SLX9: variants seen among roughly 807,000 people sequenced by gnomAD.
The protein encoded by SLX9 is ribosome biogenesis protein SLX9 homolog.
A neutral mutation model predicts 20.8 loss-of-function variants in SLX9; 19 were observed. The ratio of observed to expected loss-of-function variants is 0.91; its 90% CI spans 0.64 to 1.34. The LOEUF is 1.34. Among genes scored for constraint, SLX9 ranks in the 40% most tolerant of loss-of-function variants. The probability of loss-of-function intolerance (pLI) is 0.00; values close to 1 mark genes in which losing one functional copy is unlikely to be tolerated. For missense variants in SLX9, 299 were observed against 322.2 expected (o/e 0.93, Z 0.55); for synonymous variants, 113 against 137.1 (o/e 0.82, Z 1.23).
chr21:44,951,585 G>T (rs2084757797), intron 2 of SLX9, among the ~76,000 whole-genome samples: 1 of 152,168 alleles, frequency 6.6e-6, no homozygotes, highest in South Asian at 2.1e-4. Context: ...AACATTTCAT[G>T]ATTGAGAAAG....
chr21:44,970,008 C>T (rs1345428442), intron 4 of SLX9, among the ~76,000 whole-genome samples: 1 of 152,214 alleles, frequency 6.6e-6, no homozygotes, highest in East Asian at 1.9e-4. Flanking sequence ...AGGAAGCCCC[C>T]AGAGGCGAAG....
intron 1 of SLX9, among the ~76,000 whole-genome samples, chr21:44,941,702 G>A (rs1187516386): frequency 6.6e-6 from 1 of 152,076 alleles, no homozygotes; most frequent in African/African-American, 2.4e-5. Context: ...CTCCTGGTAG[G>A]GTGCGTCCTT....
At chr21:44,969,341 C>A (rs969289546) in intron 4 of SLX9, 2 of 410,172 alleles carry the variant, frequency 4.9e-6, no homozygotes, top group Non-Finnish European at 1.0e-5. Flanking sequence ...GTCAAGTATC[C>A]TTTCCCTGTT....
Position 44,973,180 on chromosome 21 carries a change from C to T in SLX9, c.501-17C>T. 1 of 1,613,034 alleles carries T rather than the reference C, an allele frequency of 6.2e-7. No homozygotes were observed. Among genetic ancestry groups the T allele is most frequent in the Non-Finnish European group, 8.5e-7 (1 of 1,179,704 alleles). On this transcript the variant is annotated splice_polypyrimidine_tract_variant and intron_variant, in intron 4 of 5. Coordinates refer to ENST00000291634, the MANE Select transcript of SLX9 (RefSeq NM_058190.4). Reference sequence around the variant, plus strand: ...GGATGCTGGATGCTGACTCACGTGGCTTCTCTGTGTCCACAGCAGGGAGAG... The same window carrying T: ...GGATGCTGGATGCTGACTCACGTGGTTTCTCTGTGTCCACAGCAGGGAGAG...
At chr21:44,968,627 C>T (rs2085083920) in intron 4 of SLX9, among the ~76,000 whole-genome samples, 1 of 152,212 alleles carries the variant, frequency 6.6e-6, no homozygotes, top group African/African-American at 2.4e-5. Flanking sequence ...GGTGTGGGTG[C>T]TGAGGCTCTG....
chr21:44,946,395 A>G (rs1343334376), intron 2 of SLX9, among the ~76,000 whole-genome samples: 1 of 150,100 alleles, frequency 6.7e-6, no homozygotes, highest in Admixed American at 6.6e-5. Context: ...GCTTGTGTGC[A>G]GGTGTTTCCC....
intron 2 of SLX9, among the ~76,000 whole-genome samples, chr21:44,956,898 G>A (rs189890302): frequency 8.5e-5 from 13 of 152,344 alleles, no homozygotes; most frequent in African/African-American, 2.2e-4. Flanking sequence ...GTCTGTTCCC[G>A]GGGCCCCTTT....
chr21:44,961,730 C>T (rs556135583), intron 3 of SLX9, among the ~76,000 whole-genome samples: 10 of 152,246 alleles, frequency 6.6e-5, no homozygotes, highest in African/African-American at 2.4e-4. Context: ...TTGTCTCTTC[C>T]ATTTAATAAT....
intron 4 of SLX9, among the ~76,000 whole-genome samples, chr21:44,971,747 T>C (rs1445425975): frequency 6.6e-6 from 1 of 152,088 alleles, no homozygotes; most frequent in Non-Finnish European, 1.5e-5. Flanking sequence ...CGGGGACAGC[T>C]CTGGGCAGTC....
At chr21:44,961,910 A>AC (rs1478915769) in intron 3 of SLX9, among the ~76,000 whole-genome samples, 4 of 152,226 alleles carry the variant, frequency 2.6e-5, no homozygotes, top group Non-Finnish European at 5.9e-5. Context: ...AGCTTTAGCT[A>AC]CATTTCCCAA....
At chr21:44,967,623 C>G (rs1292386569) in intron 4 of SLX9, among the ~76,000 whole-genome samples, 1 of 152,208 alleles carries the variant, frequency 6.6e-6, no homozygotes, top group East Asian at 1.9e-4. Context: ...GTCTCCCCTC[C>G]TGAGTGGACC....
chr21:44,966,562 C>G (rs867045946), intron 3 of SLX9, among the ~76,000 whole-genome samples: 3 of 152,348 alleles, frequency 2.0e-5, no homozygotes, highest in East Asian at 1.9e-4. Flanking sequence ...CCTGCCACCC[C>G]CCATGGCCCC....
At chr21:44,943,444 G>T (rs1265957278) in intron 1 of SLX9, among the ~76,000 whole-genome samples, 1 of 152,194 alleles carries the variant, frequency 6.6e-6, no homozygotes, top group Non-Finnish European at 1.5e-5. Context: ...AGTGAAGCCC[G>T]TCTGGTGATT....
rs757171639 is a variant in SLX9, at chr21:44,976,835, G to A, written c.*32G>A. The A allele has an allele frequency of 1.2e-5, 19 of 1,539,684 alleles. No individual in the cohort carries two copies. The East Asian group carries it at 1.5e-4, about 12-fold the overall frequency. On this transcript the variant is annotated 3_prime_UTR_variant, in exon 6 of 6. Transcript: ENST00000291634. ...CAGCGGGCATGCCACAACTCCTCAG[G>A]ACACATGTGGGCCAAGTAGAGAGCG...
chr21:44,942,622 A>G (rs185192405), intron 1 of SLX9, among the ~76,000 whole-genome samples: 1 of 152,372 alleles, frequency 6.6e-6, no homozygotes, highest in East Asian at 1.9e-4. Context: ...AGAATTACAT[A>G]AAACAGATTA....
At chr21:44,969,740 C>T (rs140819468) in intron 4 of SLX9, among the ~76,000 whole-genome samples, 8 of 148,760 alleles carry the variant, frequency 5.4e-5, no homozygotes, top group African/African-American at 1.8e-4. Flanking sequence ...AAATAGTGAG[C>T]GTTAAGTAAT....
chr21:44,966,968 G>A, intron 3 of SLX9, 66 bp from the exon 4 acceptor site: 1 of 1,551,566 alleles, frequency 6.4e-7, no homozygotes, highest in South Asian at 1.2e-5. Flanking sequence ...TCGTGGGCCA[G>A]AGGCTCTGGG....
intron 4 of SLX9, 44 bp from the exon 5 acceptor site, chr21:44,973,152 AG>A: frequency 6.2e-7 from 1 of 1,609,258 alleles, no homozygotes; most frequent in Non-Finnish European, 8.5e-7. Flanking sequence ...GAAGGTGTTT[AG>A]GGGATGCTGG....
In SLX9 at chr21:44,957,144, G is replaced by A. The variant is rs376023190; in HGVS notation, c.284-2956G>A. On this transcript the variant is annotated intron_variant, in intron 2 of 5. Coordinates refer to ENST00000291634, the MANE Select transcript of SLX9 (RefSeq NM_058190.4). ...TCAGCTCATGCTGCAGGTTTTTGCC[G>A]GGCCGGCCGGCGTTCCAGGGACCAG... 2.0e-4 allele frequency among the ~76,000 whole-genome samples: 31 copies of A among 152,296 alleles called. No homozygotes were observed. The East Asian group carries it at 3.9e-3, about 19-fold the overall frequency.
Sources: allele counts gnomAD v4.1 joint callset (sites outside exome capture counted in the v4.1 genomes callset), GRCh38; gene constraint gnomAD v4.1.1; transcripts MANE v1.5; gene names NCBI Gene and HGNC (gene_info 2026-07-23, HGNC 2026-07-21).